Variants in SPON1 observed in about 807,000 individuals in gnomAD.
The protein encoded by SPON1 is spondin-1.
SPON1 carries 52 observed loss-of-function variants against 111.7 expected under a neutral mutation model. The ratio of observed to expected loss-of-function variants is 0.47; its 90% CI spans 0.37 to 0.59. The LOEUF (loss-of-function observed/expected upper bound fraction) is 0.59. Ranked by LOEUF, SPON1 falls within the 20% of genes least tolerant of loss-of-function variation. SPON1 has a pLI of 0.00. For synonymous variants in SPON1, 410 were observed against 395.8 expected (o/e 1.04, Z -0.43); for missense variants, 957 against 1,068.5 (o/e 0.90, Z 1.46).
At chr11:14,174,395 A>G (rs1848149174) in intron 6 of SPON1, among the ~76,000 whole-genome samples, 3 of 152,176 alleles carry the variant, frequency 2.0e-5, no homozygotes, top group African/African-American at 7.2e-5. Flanking sequence ...CTTAAAGTGT[A>G]TTTCCTACCT....
At chr11:14,045,627 T>TAGAA (rs139043212) in intron 3 of SPON1, among the ~76,000 whole-genome samples, 1 of 147,930 alleles carries the variant, frequency 6.8e-6, no homozygotes, top group Non-Finnish European at 1.5e-5. Context: ...TTTTAATATA[T>TAGAA]ATATTATATT....
chr11:14,231,199 T>A (rs1179196912), intron 6 of SPON1, among the ~76,000 whole-genome samples: 11 of 151,688 alleles, frequency 7.3e-5, no homozygotes, highest in Non-Finnish European at 1.5e-4. Flanking sequence ...AGTGGCATGA[T>A]CACAGCTCAC....
chr11:14,147,623 G>A (rs1847737446), intron 6 of SPON1, among the ~76,000 whole-genome samples: 1 of 151,822 alleles, frequency 6.6e-6, no homozygotes. Flanking sequence ...CACCATGTTG[G>A]CCAGGCTGGT....
chr11:14,175,468 G>A (rs1447993885), intron 6 of SPON1, among the ~76,000 whole-genome samples: 1 of 152,098 alleles, frequency 6.6e-6, no homozygotes, highest in Non-Finnish European at 1.5e-5. Context: ...CAGGGTTATA[G>A]GGGTCCTAAA....
In SPON1 at chr11:14,265,810, C is replaced by G; in HGVS notation, c.*123C>G. Reference sequence around the variant, plus strand: ...TTTTCATTTTTGCAGTGTGGTTCGCCCAGTAGTCTTGTGGATGCCAGAGAC... The same window carrying G: ...TTTTCATTTTTGCAGTGTGGTTCGCGCAGTAGTCTTGTGGATGCCAGAGAC... On this transcript the variant is annotated 3_prime_UTR_variant, in exon 16 of 16. Transcript: ENST00000576479. The G allele has an allele frequency of 1.7e-6, 2 of 1,169,580 alleles. No individual in the cohort carries two copies. Among genetic ancestry groups the G allele is most frequent in the Non-Finnish European group, 2.4e-6 (2 of 836,926 alleles). The allele number at this position is 1,169,580 out of a possible 1,614,324, so 72.5% of individuals were successfully genotyped here.
In SPON1 at chr11:14,256,642, A is replaced by G. The variant is rs782324465; in HGVS notation, c.1259A>G (p.Asp420Gly). The G allele has an allele frequency of 1.9e-6, 3 of 1,613,816 alleles. No homozygotes were observed. Among genetic ancestry groups the G allele is most frequent in the Non-Finnish European group, 1.7e-6 (2 of 1,179,774 alleles). Residue 420 changes from aspartate (D) to glycine (G), a missense_variant, in exon 10 of 16, where the codon GAC becomes GGC. Physicochemically the swap from Asp to Gly is moderately conservative, Grantham distance 94. Transcript: ENST00000576479. ...GGTGAACAATGCAATATTGTACCTGACAATGTCGATGATATTGTAGCTGAC... is the reference window on the plus strand; with the variant it reads ...GGTGAACAATGCAATATTGTACCTGGCAATGTCGATGATATTGTAGCTGAC... ...RKGEQCNIVP[D>G]NVDDIVADLA...
At position 14,266,565 on chromosome 11, in the gene SPON1, C is replaced by T. The variant is rs1554942518; in HGVS notation, c.*878C>T. On this transcript the variant is annotated 3_prime_UTR_variant, in exon 16 of 16. Coordinates refer to ENST00000576479, the MANE Select transcript of SPON1 (RefSeq NM_006108.4). ...CAATTTGCCTAAATTTTAAAATCTTCCTACACACATCTAGACGTTCAAGTT... is the reference window on the plus strand; with the variant it reads ...CAATTTGCCTAAATTTTAAAATCTTTCTACACACATCTAGACGTTCAAGTT... The T allele has an allele frequency of 6.6e-6, 1 of 152,036 alleles. No homozygotes were observed. Among genetic ancestry groups the T allele is most frequent in the Non-Finnish European group, 1.5e-5 (1 of 67,996 alleles). 9.4% of individuals were successfully genotyped at this position (152,036 alleles called of 1,614,324 possible).
intron 3 of SPON1, among the ~76,000 whole-genome samples, chr11:14,044,503 T>G (rs782198021): frequency 1.3e-5 from 2 of 152,066 alleles, no homozygotes; most frequent in Admixed American, 1.3e-4. Flanking sequence ...TCCCAGATAC[T>G]CGGGAGGCTG....
At chr11:14,065,423 A>G (rs1201133571) in intron 3 of SPON1, among the ~76,000 whole-genome samples, 4 of 152,198 alleles carry the variant, frequency 2.6e-5, no homozygotes, top group African/African-American at 7.2e-5. Context: ...GGGCGATTAT[A>G]TGATTACACC....
intron 6 of SPON1, among the ~76,000 whole-genome samples, chr11:14,200,897 C>T: frequency 6.8e-6 from 1 of 147,980 alleles, no homozygotes; most frequent in Non-Finnish European, 1.5e-5. Context: ...AACTCTGTAG[C>T]TCTAGAGGAT....
intron 2 of SPON1, among the ~76,000 whole-genome samples, chr11:13,997,460 T>C (rs1479802200): frequency 3.9e-5 from 6 of 152,162 alleles, no homozygotes; most frequent in Non-Finnish European, 8.8e-5. Context: ...AATAAAATAA[T>C]GTATGTAAAA....
chr11:14,056,604 A>G (rs2049724), intron 3 of SPON1, among the ~76,000 whole-genome samples: 65,794 of 152,060 alleles, frequency 0.43, 14,709 homozygotes, highest in South Asian at 0.57. Flanking sequence ...ACATTAAAAT[A>G]TAACATCGGC....
chr11:13,977,654 TATCTTTTGATGAGCA>T (rs1445132476), intron 1 of SPON1, among the ~76,000 whole-genome samples: 1 of 152,204 alleles, frequency 6.6e-6, no homozygotes, highest in Non-Finnish European at 1.5e-5. Flanking sequence ...CTCTTAATGG[TATCTTTTGATGAGCA>T]AAAGTTTGAT....
rs112555203 is a variant in SPON1 at position 14,004,185 on chromosome 11, G to A, written c.345+21232G>A. 5.3e-3 allele frequency among the ~76,000 whole-genome samples: 801 copies of A among 151,826 alleles called. 9 individuals carry two copies. The highest frequency in any genetic ancestry group is 0.018 in the African/African-American group (739 of 41,414). On this transcript the variant is annotated intron_variant, in intron 2 of 15. Coordinates refer to ENST00000576479, the MANE Select transcript of SPON1 (RefSeq NM_006108.4). The stretch of plus-strand genomic sequence containing the variant: ...CACACACACATACACACACACACAC[G>A]TGTACATGTTCTTTCCCCATTTGTA...
At chr11:14,018,621 A>G (rs1207192257) in intron 2 of SPON1, among the ~76,000 whole-genome samples, 4 of 152,238 alleles carry the variant, frequency 2.6e-5, no homozygotes, top group African/African-American at 9.6e-5. Context: ...TGATAAGGCC[A>G]GAGACAGAGA....
chr11:14,099,096 A>G (rs953032445), intron 5 of SPON1, among the ~76,000 whole-genome samples: 1 of 152,056 alleles, frequency 6.6e-6, no homozygotes, highest in Non-Finnish European at 1.5e-5. Context: ...AAGTTATCCA[A>G]TTTCTTCATC....
intron 6 of SPON1, among the ~76,000 whole-genome samples, chr11:14,146,781 T>C (rs1847724129): frequency 6.6e-6 from 1 of 151,948 alleles, no homozygotes; most frequent in South Asian, 2.1e-4. Flanking sequence ...TAATAGAAAG[T>C]CCAGAAATAG....
At chr11:14,027,822 G>A (rs1554915557) in intron 2 of SPON1, among the ~76,000 whole-genome samples, 1 of 152,130 alleles carries the variant, frequency 6.6e-6, no homozygotes, top group African/African-American at 2.4e-5. Context: ...TTTTAGTACT[G>A]CATTATACTG....
At chr11:14,092,821 A>T (rs1189798087) in intron 5 of SPON1, among the ~76,000 whole-genome samples, 1 of 152,178 alleles carries the variant, frequency 6.6e-6, no homozygotes, top group Non-Finnish European at 1.5e-5. Context: ...ACAAGTGAAA[A>T]ACTGAAGCAC....
Sources: gnomAD v4.1 joint callset for allele counts (sites outside exome capture counted in the v4.1 genomes callset) on GRCh38, gnomAD v4.1.1 for gene constraint, MANE v1.5 for transcripts, NCBI Gene and HGNC (gene_info 2026-07-23, HGNC 2026-07-21) for gene names.